Variants in ZNF329 observed in about 807,000 individuals in gnomAD.
ZNF329 encodes the protein zinc finger protein 329.
In ZNF329, 15 loss-of-function variants were observed where a neutral mutation model predicts 26.6. The observed-to-expected ratio is 0.56, with a 90% CI of 0.38 to 0.87. The LOEUF is 0.87. Ranked by LOEUF, ZNF329 falls within the 40% of genes least tolerant of loss-of-function variation. The probability of loss-of-function intolerance (pLI) is 0.00; values close to 1 mark genes in which losing one functional copy is unlikely to be tolerated. For missense variants in ZNF329, 651 were observed against 651.9 expected, an observed-to-expected ratio of 1.00 and a Z score of 0.02; for synonymous variants, 239 against 233.5, an observed-to-expected ratio of 1.02 and a Z score of -0.21.
intron 3 of ZNF329, among the ~76,000 whole-genome samples, chr19:58,135,762 A>T (rs1404119666): frequency 1.3e-5 from 2 of 152,236 alleles, no homozygotes; most frequent in Non-Finnish European, 2.9e-5. Context: ...AAAAAGTTCA[A>T]CAAAGCCCAG....
At chr19:58,144,727 AG>A (rs1255613089) in intron 1 of ZNF329, among the ~76,000 whole-genome samples, 2 of 135,420 alleles carry the variant, frequency 1.5e-5, no homozygotes, top group Non-Finnish European at 3.1e-5. Flanking sequence ...AAAGAGACAG[AG>A]TCTTGCTTTG....
upstream of ZNF329, among the ~76,000 whole-genome samples, chr19:58,152,840 G>T (rs572735175): frequency 6.6e-6 from 1 of 151,818 alleles, no homozygotes; most frequent in African/African-American, 2.4e-5. Context: ...CTGGGTGACA[G>T]CTATACTCTC....
At chr19:58,152,874 C>A (rs1284037805), upstream of ZNF329, among the ~76,000 whole-genome samples, 1 of 151,814 alleles carries the variant, frequency 6.6e-6, no homozygotes, top group Non-Finnish European at 1.5e-5. Context: ...AAGTCAGGCA[C>A]CCTTTATTAG....
chr19:58,126,569 A>G lies in ZNF329; in HGVS notation c.*1309T>C, dbSNP rs559881393. On this transcript the variant is annotated 3_prime_UTR_variant, in exon 4 of 4. Transcript: ENST00000598312. ...GTAGTGGTGGGGTGATAACATAAAC[A>G]TAACAACTCAGTATTTTTGCTTCAA... is the stretch of plus-strand genomic sequence containing the variant. 3 of 152,372 alleles carry G rather than the reference A, an allele frequency of 2.0e-5. No individual in the cohort carries two copies. The highest frequency in any genetic ancestry group is 2.4e-5 in the African/African-American group (1 of 41,590). 9.4% of individuals were successfully genotyped at this position (152,372 alleles called of 1,614,324 possible).
upstream of ZNF329, chr19:58,154,657 C>G (rs989085701): frequency 1.3e-5 from 2 of 151,910 alleles, no homozygotes; most frequent in Non-Finnish European, 2.9e-5. Flanking sequence ...CTTCTGAGCT[C>G]GGGAACGTCT....
At position 58,127,830 on chromosome 19, in the gene ZNF329, A is replaced by C; in HGVS notation, c.*48T>G. 1 of 1,514,092 alleles carries C rather than the reference A, an allele frequency of 6.6e-7. No homozygotes were observed. Among genetic ancestry groups the C allele is most frequent in the South Asian group, 1.3e-5 (1 of 78,498 alleles). 93.8% of individuals were successfully genotyped at this position (1,514,092 alleles called of 1,614,324 possible). A position where few individuals can be genotyped will look rare whatever the true frequency, so the allele number is the denominator to read the frequency against. On this transcript the variant is annotated 3_prime_UTR_variant, in exon 4 of 4. Transcript: ENST00000598312. ...GAGTCAGATCTAAGACACGCCTCCT[A>C]AACACAGGAGTGAGAGTGAACTGGA... is the stretch of plus-strand genomic sequence containing the variant.
chr19:58,136,985 A>G, intron 3 of ZNF329: 1 of 198,848 alleles, frequency 5.0e-6, no homozygotes, highest in Non-Finnish European at 1.1e-5. Flanking sequence ...ACTCAAAGTG[A>G]TATGTACCTT....
chr19:58,138,076 G>A (rs2075111704), intron 3 of ZNF329, among the ~76,000 whole-genome samples: 1 of 152,092 alleles, frequency 6.6e-6, no homozygotes, highest in Admixed American at 6.6e-5. Flanking sequence ...TTAACAAAAT[G>A]GCAAAGTTGG....
intron 1 of ZNF329, among the ~76,000 whole-genome samples, chr19:58,143,949 C>CA (rs1354366876): frequency 4.0e-5 from 6 of 151,650 alleles, no homozygotes; most frequent in African/African-American, 7.3e-5. Context: ...GGCGTGGTGG[C>CA]AGGCGCCCGT....
chr19:58,135,178 C>A (rs1416035195), intron 3 of ZNF329, among the ~76,000 whole-genome samples: 3 of 152,132 alleles, frequency 2.0e-5, no homozygotes, highest in African/African-American at 7.2e-5. Context: ...AACTCCAGAG[C>A]ACAAGCGATC....
At chr19:58,149,917 G>A (rs2075411761) in intron 1 of ZNF329, among the ~76,000 whole-genome samples, 1 of 152,178 alleles carries the variant, frequency 6.6e-6, no homozygotes, top group African/African-American at 2.4e-5. Flanking sequence ...AGGGAGAAGT[G>A]TTGTGATATC....
Position 58,128,140 on chromosome 19 carries a change from T to C in ZNF329, c.1364A>G (p.Tyr455Cys). 3 of 1,590,410 alleles carry C rather than the reference T, an allele frequency of 1.9e-6. No individual in the cohort carries two copies. The highest frequency in any genetic ancestry group is 2.2e-5 in the East Asian group (1 of 44,750). Residue 455 changes from tyrosine to cysteine, a missense_variant, in exon 4 of 4, where the codon TAT becomes TGT. Transcript: ENST00000598312. ...HQRTHTGEKP[Y>C]ECNQCGKAFR... The stretch of plus-strand genomic sequence containing the variant: ...GGCTTTGCCACACTGATTACACTCA[T>C]AGGGCTTCTCACCAGTATGAGTCCT...
chr19:58,150,204 A>T (rs1465027154), intron 1 of ZNF329, among the ~76,000 whole-genome samples: 1 of 152,242 alleles, frequency 6.6e-6, no homozygotes, highest in Non-Finnish European at 1.5e-5. Flanking sequence ...TGAGAATTGC[A>T]GTAAAACATG....
At chr19:58,144,273 C>T (rs1442098976) in intron 1 of ZNF329, among the ~76,000 whole-genome samples, 1 of 151,240 alleles carries the variant, frequency 6.6e-6, no homozygotes. Context: ...CTCCTGGGTT[C>T]AAGCAATTCT....
At chr19:58,143,356 A>T (rs2146110427) in intron 1 of ZNF329, among the ~76,000 whole-genome samples, 158 bp from the exon 2 acceptor site, 1 of 152,358 alleles carries the variant, frequency 6.6e-6, no homozygotes, top group African/African-American at 2.4e-5. Flanking sequence ...AAACCAGGAC[A>T]ACTCTCACTA....
At chr19:58,136,684 C>CAAAAAAAAAAAA (rs56293356) in intron 3 of ZNF329, 10 of 88,670 alleles carry the variant, frequency 1.1e-4, no homozygotes, top group African/African-American at 4.5e-4. Context: ...AGACTGTCTC[C>CAAAAAAAAAAAA]AAAAAAAAAA....
chr19:58,135,156 A>C (rs78843200), intron 3 of ZNF329, among the ~76,000 whole-genome samples: 1,729 of 152,308 alleles, frequency 0.011, 43 homozygotes, highest in African/African-American at 0.039. Flanking sequence ...TATGTTGCCC[A>C]GGCTGGCCTC....
In ZNF329 at chr19:58,127,878, TTA is replaced by T. The variant is rs768294811; in HGVS notation, c.1624_1625del (p.Ter542MetfsTer17). The T allele has an allele frequency of 3.2e-5, 51 of 1,577,212 alleles. No homozygotes were observed. Among genetic ancestry groups the T allele is most frequent in the African/African-American group, 2.7e-4 (20 of 74,078 alleles). On this transcript the variant is annotated frameshift_variant and stop_lost, in exon 4 of 4. Transcript: ENST00000598312. LOFTEE classifies it high-confidence loss of function. ...GGAAGACTCATGTGGCCCCCAACCA[TTA>T]TGTTTCCATGGGTTGCTCTCCCAGG... is the stretch of plus-strand genomic sequence containing the variant. The part of the protein sequence containing the change: ...AHLGEQPMET[*>X]
At position 58,128,235 on chromosome 19, in the gene ZNF329, G is replaced by A. The variant is rs764063533; in HGVS notation, c.1269C>T (p.Gly423=). ...ACTGGTTGCAGCCATAGGGCTTCTC[G>A]CCAGTATGAATCCTCTGATGCCTGA... The part of the protein sequence containing the change: ...YLIRHQRIHT[G]EKPYGCNQCQ... The change falls in exon 4 of 4, where the codon GGC becomes GGT. Residue 423 remains glycine (G), a synonymous_variant. Transcript: ENST00000598312. 54 of 1,593,640 alleles carry A rather than the reference G, an allele frequency of 3.4e-5. No individual in the cohort carries two copies. The highest frequency in any genetic ancestry group is 8.0e-5 in the South Asian group (7 of 87,474).
Sources: allele counts gnomAD v4.1 joint callset (sites outside exome capture counted in the v4.1 genomes callset), GRCh38; gene constraint gnomAD v4.1.1; transcripts MANE v1.5; gene names NCBI Gene and HGNC (gene_info 2026-07-23, HGNC 2026-07-21).